WFDC13: variants seen among roughly 807,000 people sequenced by gnomAD.
WFDC13 encodes WAP four-disulfide core domain 13, also known as WAP four-disulfide core domain protein 13.
WFDC13 carries 6 observed loss-of-function variants against 10.9 expected under a neutral mutation model. The observed-to-expected ratio is 0.55, with a 90% CI of 0.30 to 1.09. The LOEUF (loss-of-function observed/expected upper bound fraction) is 1.09. Among genes scored for constraint, WFDC13 ranks in the 50% least tolerant of loss-of-function variants. WFDC13 has a pLI of 0.06. For missense variants in WFDC13, 104 were observed against 109.6 expected (o/e 0.95, Z 0.23); for synonymous variants, 38 against 39.5 (o/e 0.96, Z 0.14).
rs114083060 is a variant in WFDC13 at position 45,703,805 on chromosome 20, C to T, written c.89-639C>T. Among the ~76,000 whole-genome samples, 268 of 152,254 alleles carry T rather than the reference C, an allele frequency of 1.8e-3. 1 individual carries two copies. The highest frequency in any genetic ancestry group is 6.3e-3 in the African/African-American group (260 of 41,550). ...CATCCTGGTGCTCTGGCCTCCTGATCGAGAGACACCAAGGAAGAAAAAAGC... is the reference window on the plus strand; with the variant it reads ...CATCCTGGTGCTCTGGCCTCCTGATTGAGAGACACCAAGGAAGAAAAAAGC... On this transcript the variant is annotated intron_variant, in intron 1 of 3. Transcript: ENST00000305479.
intron 3 of WFDC13, 73 bp from the exon 4 acceptor site, chr20:45,707,785 C>T (rs1984453601): frequency 6.6e-6 from 1 of 152,134 alleles, no homozygotes; most frequent in Admixed American, 6.6e-5. Flanking sequence ...TCTCTAGAGA[C>T]CCAACATGAT....
chr20:45,705,252 C>T (rs1175884869), intron 2 of WFDC13: 7 of 483,908 alleles, frequency 1.4e-5, no homozygotes, highest in South Asian at 1.1e-4. Context: ...TTTTTTCCTG[C>T]TTTGCAAGGC....
intron 1 of WFDC13, among the ~76,000 whole-genome samples, chr20:45,702,817 G>T (rs1428211554): frequency 1.3e-5 from 2 of 152,224 alleles, no homozygotes; most frequent in African/African-American, 4.8e-5. Flanking sequence ...TCTGGCTCTA[G>T]TAATGTTGAC....
chr20:45,704,782 C>A (rs752354811), intron 2 of WFDC13, 188 bp downstream of exon 2: 63 of 1,290,692 alleles, frequency 4.9e-5, no homozygotes, highest in Non-Finnish European at 6.5e-5. Flanking sequence ...AAAAGCCCTC[C>A]TCCCCTCCCA....
rs373966089 is a variant in WFDC13, at chr20:45,704,880, C to G, written c.239+286C>G. ...AATGCCTTTATCCACAGACCTTCCC[C>G]CGACCCAGAATCCACCCTTATCCCA... On this transcript the variant is annotated intron_variant, in intron 2 of 3. Coordinates refer to ENST00000305479, the MANE Select transcript of WFDC13 (RefSeq NM_172005.2). The G allele has an allele frequency of 1.9e-6, 3 of 1,605,844 alleles. No homozygotes were observed. In the African/African-American group the frequency reaches 4.0e-5, roughly 21 times the overall value.
chr20:45,705,028 A>G (rs938970581), intron 2 of WFDC13: 17 of 1,604,838 alleles, frequency 1.1e-5, no homozygotes, highest in Admixed American at 3.3e-5. Context: ...CTGGAGATCC[A>G]GCCCAAAGGA....
chr20:45,704,428 T>C lies in WFDC13; in HGVS notation c.89-16T>C. 8 of 1,607,744 alleles carry C rather than the reference T, an allele frequency of 5.0e-6. No homozygotes were observed. Among genetic ancestry groups the C allele is most frequent in the Non-Finnish European group, 6.8e-6 (8 of 1,177,144 alleles). ...CCTGTTGGTGAGGCCCTTCTCTTACTTGTTCTGTGTTCCAGAGTATATCTT... is the reference window on the plus strand; with the variant it reads ...CCTGTTGGTGAGGCCCTTCTCTTACCTGTTCTGTGTTCCAGAGTATATCTT... On this transcript the variant is annotated splice_polypyrimidine_tract_variant and intron_variant, in intron 1 of 3. Coordinates refer to ENST00000305479, the MANE Select transcript of WFDC13 (RefSeq NM_172005.2).
At position 45,704,406 on chromosome 20, in the gene WFDC13, G is replaced by A. The variant is rs759548147; in HGVS notation, c.89-38G>A. On this transcript the variant is annotated intron_variant, in intron 1 of 3. Transcript: ENST00000305479. ...TGAGTTCTGAACATTACTCCAGCCT[G>A]TTGGTGAGGCCCTTCTCTTACTTGT... 5.7e-6 allele frequency: 9 copies of A among 1,590,540 alleles called. No individual in the cohort carries two copies. In the Admixed American group the frequency reaches 1.6e-4, roughly 28 times the overall value.
chr20:45,705,974 G>T, intron 3 of WFDC13, 47 bp downstream of exon 3: 1 of 1,539,286 alleles, frequency 6.5e-7, no homozygotes. Flanking sequence ...AGATTCCCAG[G>T]GATGCTCACT....
intron 1 of WFDC13, among the ~76,000 whole-genome samples, chr20:45,704,088 G>T (rs2145645157): frequency 6.6e-6 from 1 of 152,330 alleles, no homozygotes; most frequent in Non-Finnish European, 1.5e-5. Context: ...ATGAATCAGT[G>T]CAGAACGAAC....
rs749964713 is a variant in WFDC13 at position 45,702,090 on chromosome 20, T to C, written c.-34T>C. On this transcript the variant is annotated 5_prime_UTR_variant, in exon 1 of 4. Coordinates refer to ENST00000305479, the MANE Select transcript of WFDC13 (RefSeq NM_172005.2). ...GTGCCTGGTCAAACCCAGCAACCCTTGGCCAGAACTTACTCACCCATCCCA... is the reference window on the plus strand; with the variant it reads ...GTGCCTGGTCAAACCCAGCAACCCTCGGCCAGAACTTACTCACCCATCCCA... 6.2e-7 allele frequency: 1 copy of C among 1,601,250 alleles called. No homozygotes were observed. The highest frequency in any genetic ancestry group is 8.5e-7 in the Non-Finnish European group (1 of 1,173,184).
intron 1 of WFDC13, among the ~76,000 whole-genome samples, chr20:45,703,682 G>A (rs968016555): frequency 2.0e-5 from 3 of 152,148 alleles, no homozygotes; most frequent in Non-Finnish European, 2.9e-5. Context: ...TCCCAGGGCA[G>A]GTAGGTCTTA....
At chr20:45,706,096 C>T (rs1984380765) in intron 3 of WFDC13, among the ~76,000 whole-genome samples, 169 bp downstream of exon 3, 1 of 152,166 alleles carries the variant, frequency 6.6e-6, no homozygotes, top group African/African-American at 2.4e-5. Flanking sequence ...TCTTTGCACT[C>T]CCTGGGGGAG....
chr20:45,702,318 C>T lies in WFDC13; in HGVS notation c.88+107C>T, dbSNP rs1334737540. On this transcript the variant is annotated intron_variant, in intron 1 of 3. Transcript: ENST00000305479. ...TCTTGGAAAAATACCGTGTCATGTT[C>T]AAGGGCCCAAGCTTTATTGTTGGCA... 2.6e-6 allele frequency: 3 copies of T among 1,136,422 alleles called. No homozygotes were observed. In the African/African-American group the frequency reaches 4.6e-5, roughly 18 times the overall value. The allele number at this position is 1,136,422 out of a possible 1,614,324, so 70.4% of individuals were successfully genotyped here.
chr20:45,703,844 G>A (rs903779936), intron 1 of WFDC13, among the ~76,000 whole-genome samples: 2 of 152,144 alleles, frequency 1.3e-5, no homozygotes, highest in African/African-American at 4.8e-5. Context: ...ATCTTTGAAC[G>A]CCATTCTGAA....
Position 45,708,696 on chromosome 20 carries a change from TA to T in WFDC13, c.*863del, listed in dbSNP as rs1984494715. On this transcript the variant is annotated 3_prime_UTR_variant, in exon 4 of 4. Transcript: ENST00000305479. ...GGTATTATAAAGGTATTTAAAATAA[TA>T]ATAATAAAGTGTTATTTTCCTGGGA... 1.3e-5 allele frequency: 2 copies of T among 152,328 alleles called. No individual in the cohort carries two copies. Among genetic ancestry groups the T allele is most frequent in the South Asian group, 4.1e-4 (2 of 4,832 alleles). 9.4% of individuals were successfully genotyped at this position (152,328 alleles called of 1,614,324 possible). A position where few individuals can be genotyped will look rare whatever the true frequency, so the allele number is the denominator to read the frequency against.
In WFDC13 at chr20:45,704,560, G is replaced by C. The variant is rs769165977; in HGVS notation, c.205G>C (p.Val69Leu). 2 of 1,614,152 alleles carry C rather than the reference G, an allele frequency of 1.2e-6. No homozygotes were observed. The highest frequency in any genetic ancestry group is 1.7e-6 in the Non-Finnish European group (2 of 1,180,032). The change falls in exon 2 of 4, where the codon GTC becomes CTC. Residue 69 changes from valine to leucine, a missense_variant. Physicochemically the swap from Val to Leu is conservative, Grantham distance 32 (BLOSUM62 1). Transcript: ENST00000305479. The part of the protein sequence containing the change: ...FQCCSSFCGI[V>L]CSSETFQKRN... ...GTGCTGTTCCTCCTTCTGTGGGATA[G>C]TCTGTTCATCAGAAACATTTCAAAA...
At position 45,702,240 on chromosome 20, in the gene WFDC13, GA is replaced by G. The variant is rs780792895; in HGVS notation, c.88+31del. 35 of 1,595,732 alleles carry G rather than the reference GA, an allele frequency of 2.2e-5. No homozygotes were observed. The South Asian group carries it at 4.0e-4, about 18-fold the overall frequency. Reference sequence around the variant, plus strand: ...GGTGCTGGATCTGGGCCCAAGGAGGGAAGTAACATGTGTGGATAGGAGAGGA... The same window carrying G: ...GGTGCTGGATCTGGGCCCAAGGAGGGAGTAACATGTGTGGATAGGAGAGGA... On this transcript the variant is annotated intron_variant, in intron 1 of 3. Transcript: ENST00000305479.
At chr20:45,705,949 C>T (rs232290) in intron 3 of WFDC13, 22 bp downstream of exon 3, 41 of 1,606,250 alleles carry the variant, frequency 2.6e-5, no homozygotes, top group Admixed American at 8.4e-5. Context: ...GATTTGGTCT[C>T]GCCTTCCTCA....
Sources: allele counts gnomAD v4.1 joint callset (sites outside exome capture counted in the v4.1 genomes callset), GRCh38; gene constraint gnomAD v4.1.1; transcripts MANE v1.5; gene names NCBI Gene and HGNC (gene_info 2026-07-23, HGNC 2026-07-21).